VAV3: variants seen among roughly 807,000 people sequenced by gnomAD.
The protein encoded by VAV3 is vav guanine nucleotide exchange factor 3.
A neutral mutation model predicts 131.2 loss-of-function variants in VAV3; 94 were observed. The ratio of observed to expected loss-of-function variants is 0.72; its 90% CI spans 0.61 to 0.85. The LOEUF is 0.85. Among genes scored for constraint, VAV3 ranks in the 40% least tolerant of loss-of-function variants. The probability of loss-of-function intolerance (pLI) is 0.00; values close to 1 mark genes in which losing one functional copy is unlikely to be tolerated. For missense variants in VAV3, 939 were observed against 1,002.7 expected (o/e 0.94, Z 0.86); for synonymous variants, 349 against 342.0 (o/e 1.02, Z -0.22).
chr1:107,860,876 G>C (rs1471230326), intron 2 of VAV3, among the ~76,000 whole-genome samples: 1 of 151,574 alleles, frequency 6.6e-6, no homozygotes. Flanking sequence ...TACAAAAAAA[G>C]AAGACAACAA....
At position 107,877,857 on chromosome 1, in the gene VAV3, G is replaced by T. The variant is rs111860509; in HGVS notation, c.205-2840C>A. Among the ~76,000 whole-genome samples, 15 of 152,168 alleles carry T rather than the reference G, an allele frequency of 9.9e-5. 2 individuals are homozygous for T. Among genetic ancestry groups the T allele is most frequent in the African/African-American group, 3.6e-4 (15 of 41,522 alleles). On this transcript the variant is annotated intron_variant, in intron 1 of 26. Transcript: ENST00000370056. ...TTTGACTAAATTAGTGCTGAGTCTA[G>T]TGCGAGCCTAGTGTTATTCACTAGG...
chr1:107,640,500 G>A (rs944901074), intron 20 of VAV3, among the ~76,000 whole-genome samples: 1 of 152,026 alleles, frequency 6.6e-6, no homozygotes, highest in African/African-American at 2.4e-5. Flanking sequence ...CATGATGGAG[G>A]GATTACCAAG....
At chr1:107,626,491 G>C (rs902102992) in intron 20 of VAV3, among the ~76,000 whole-genome samples, 23 of 152,214 alleles carry the variant, frequency 1.5e-4, no homozygotes, top group African/African-American at 4.8e-4. Flanking sequence ...TACTAATGCC[G>C]ACTGAGCCTC....
chr1:107,774,863 A>C (rs1665250947), intron 4 of VAV3, among the ~76,000 whole-genome samples: 1 of 152,060 alleles, frequency 6.6e-6, no homozygotes, highest in African/African-American at 2.4e-5. Context: ...ATAAAAATCA[A>C]GCTGTCACAG....
In VAV3 at chr1:107,871,041, C is replaced by T. The variant is rs549838403; in HGVS notation, c.321+3860G>A. Among the ~76,000 whole-genome samples, 11 of 152,210 alleles carry T rather than the reference C, an allele frequency of 7.2e-5. No homozygotes were observed. The East Asian group carries it at 1.9e-3, about 27-fold the overall frequency. On this transcript the variant is annotated intron_variant, in intron 2 of 26. Coordinates refer to ENST00000370056, the MANE Select transcript of VAV3 (RefSeq NM_006113.5). ...CAGACAGCTCAGTAGGAAACATTTC[C>T]AAAGAGTGAGTTAATCATAAACTGA...
chr1:107,746,102 A>G (rs1281121957), intron 15 of VAV3, among the ~76,000 whole-genome samples: 1 of 152,214 alleles, frequency 6.6e-6, no homozygotes, highest in Non-Finnish European at 1.5e-5. Context: ...CATAGGCAAA[A>G]TCAAACTTCA....
chr1:107,676,521 A>G (rs1489179768), intron 19 of VAV3, among the ~76,000 whole-genome samples: 1 of 152,180 alleles, frequency 6.6e-6, no homozygotes, highest in Non-Finnish European at 1.5e-5. Flanking sequence ...ACTGAACCCT[A>G]ATGATATCAG....
At position 107,658,776 on chromosome 1, in the gene VAV3, A is replaced by G. The variant is rs573943541; in HGVS notation, c.1778-16021T>C. On this transcript the variant is annotated intron_variant, in intron 19 of 26. Coordinates refer to ENST00000370056, the MANE Select transcript of VAV3 (RefSeq NM_006113.5). ...TGAGAAGTGTCTGTTGATATCCTTCACCCACTTTTTGATGGGGTTGTTTGT... is the reference window on the plus strand; with the variant it reads ...TGAGAAGTGTCTGTTGATATCCTTCGCCCACTTTTTGATGGGGTTGTTTGT... 9.3e-4 allele frequency among the ~76,000 whole-genome samples: 141 copies of G among 152,174 alleles called. 1 individual carries two copies. Among genetic ancestry groups the G allele is most frequent in the African/African-American group, 3.3e-3 (136 of 41,516 alleles).
At chr1:107,660,078 C>T (rs1023642430) in intron 19 of VAV3, among the ~76,000 whole-genome samples, 4 of 152,276 alleles carry the variant, frequency 2.6e-5, no homozygotes, top group South Asian at 2.1e-4. Context: ...AGTATTCCCA[C>T]GGATCATCTA....
chr1:107,748,838 G>A, intron 15 of VAV3, 130 bp downstream of exon 15: 1 of 731,640 alleles, frequency 1.4e-6, no homozygotes. Context: ...CCTGCTCACA[G>A]CAAAAACATT....
intron 13 of VAV3, 152 bp from the exon 14 acceptor site, chr1:107,749,746 T>C: frequency 1.1e-6 from 1 of 869,970 alleles, no homozygotes; most frequent in South Asian, 1.8e-5. Context: ...TTTGAGGTTA[T>C]AAGAACTGTG....
chr1:107,878,400 T>A (rs1571081763), intron 1 of VAV3, among the ~76,000 whole-genome samples: 1 of 152,304 alleles, frequency 6.6e-6, no homozygotes, highest in East Asian at 1.9e-4. Flanking sequence ...CATTTGGCAG[T>A]TTTATCTTTT....
intron 24 of VAV3, among the ~76,000 whole-genome samples, chr1:107,601,787 A>ATT (rs1651884366): frequency 7.8e-6 from 1 of 127,720 alleles, no homozygotes; most frequent in Non-Finnish European, 1.8e-5. Context: ...TTTTTTTTAA[A>ATT]CTGGGAATAA....
intron 25 of VAV3, 112 bp downstream of exon 25, chr1:107,596,096 TCATG>T (rs1230913312): frequency 6.6e-6 from 9 of 1,359,864 alleles, no homozygotes; most frequent in Non-Finnish European, 1.0e-6. Flanking sequence ...AAGTCCTTGC[TCATG>T]CATTAGCGCA....
intron 1 of VAV3, among the ~76,000 whole-genome samples, chr1:107,879,982 T>C (rs1670689046): frequency 6.6e-6 from 1 of 152,170 alleles, no homozygotes; most frequent in African/African-American, 2.4e-5. Flanking sequence ...GGGTAGTGAT[T>C]TATTAATATA....
chr1:107,964,655 G>C lies in VAV3; in HGVS notation c.204+11C>G. ...CGGCTGGAGGCGGGGCGCCCGTGCC[G>C]GCCTCCTCACCTGGGACATCTGCGG... On this transcript the variant is annotated intron_variant, in intron 1 of 26. Transcript: ENST00000370056. 2 of 1,609,150 alleles carry C rather than the reference G, an allele frequency of 1.2e-6. No individual in the cohort carries two copies. The highest frequency in any genetic ancestry group is 1.7e-6 in the Non-Finnish European group (2 of 1,177,420).
chr1:107,652,446 T>C (rs1656242813), intron 19 of VAV3, among the ~76,000 whole-genome samples: 1 of 152,128 alleles, frequency 6.6e-6, no homozygotes, highest in Admixed American at 6.6e-5. Context: ...TAAAGTTGCT[T>C]TCACTTTACT....
At chr1:107,836,864 GA>G (rs1390760814) in intron 2 of VAV3, among the ~76,000 whole-genome samples, 1 of 151,988 alleles carries the variant, frequency 6.6e-6, no homozygotes, top group African/African-American at 2.4e-5. Context: ...GAACCAGAAA[GA>G]AATTGAAAAC....
intron 1 of VAV3, among the ~76,000 whole-genome samples, chr1:107,890,944 A>G (rs1671280041): frequency 6.6e-6 from 1 of 152,188 alleles, no homozygotes; most frequent in Admixed American, 6.5e-5. Flanking sequence ...CCTATAAGGC[A>G]GATGTGGTGT....
Sources: allele counts gnomAD v4.1 joint callset (sites outside exome capture counted in the v4.1 genomes callset), GRCh38; gene constraint gnomAD v4.1.1; transcripts MANE v1.5; gene names NCBI Gene and HGNC (gene_info 2026-07-23, HGNC 2026-07-21).